Variants in SORCS1 observed in about 807,000 individuals in gnomAD.
SORCS1 encodes VPS10 domain-containing receptor SorCS1.
SORCS1 carries 60 observed loss-of-function variants against 146.1 expected under a neutral mutation model. That is an observed-to-expected ratio of 0.41 (90% CI 0.33 to 0.51). The LOEUF (loss-of-function observed/expected upper bound fraction) is 0.51, where lower values mean the gene tolerates loss of function less well. Ranked by LOEUF, SORCS1 falls within the 20% of genes least tolerant of loss-of-function variation. The pLI, the probability that SORCS1 is intolerant of heterozygous loss-of-function variation, is 0.21. For missense variants in SORCS1, 1,352 were observed against 1,487.6 expected, an observed-to-expected ratio of 0.91 and a Z score of 1.50; for synonymous variants, 637 against 584.0, an observed-to-expected ratio of 1.09 and a Z score of -1.31.
At chr10:106,955,383 C>T (rs1954888611) in intron 2 of SORCS1, among the ~76,000 whole-genome samples, 1 of 152,244 alleles carries the variant, frequency 6.6e-6, no homozygotes, top group African/African-American at 2.4e-5. Context: ...ATCACAGCAG[C>T]TGGCGCACCT....
chr10:106,924,283 T>G lies in SORCS1; in HGVS notation c.626+32230A>C, dbSNP rs113361799. The stretch of plus-strand genomic sequence containing the variant: ...AAAAAAAAAAAAACTACCTTTTAAT[T>G]AAAAACAATTTGCTTTAGTGAGAAA... On this transcript the variant is annotated intron_variant, in intron 2 of 25. Coordinates refer to ENST00000263054, the MANE Select transcript of SORCS1 (RefSeq NM_052918.5). 3.1e-3 allele frequency among the ~76,000 whole-genome samples: 473 copies of G among 151,448 alleles called. 5 individuals carry two copies. The highest frequency in any genetic ancestry group is 9.3e-3 in the African/African-American group (383 of 41,392).
intron 1 of SORCS1, among the ~76,000 whole-genome samples, chr10:107,161,594 C>T (rs190275131): frequency 3.9e-5 from 6 of 152,226 alleles, no homozygotes; most frequent in Admixed American, 3.9e-4. Flanking sequence ...ATGAAAAAAT[C>T]CACATTCAGC....
chr10:106,602,867 C>A (rs1170675482), intron 23 of SORCS1, among the ~76,000 whole-genome samples: 1 of 152,068 alleles, frequency 6.6e-6, no homozygotes, highest in African/African-American at 2.4e-5. Context: ...TTATTAATTC[C>A]ATTTCATAAT....
intron 18 of SORCS1, among the ~76,000 whole-genome samples, chr10:106,641,012 A>T (rs1421664425): frequency 6.6e-6 from 1 of 152,166 alleles, no homozygotes; most frequent in Non-Finnish European, 1.5e-5. Flanking sequence ...TTCTTCTTGC[A>T]TCTGCCACAG....
chr10:107,052,367 C>T (rs1342572723), intron 1 of SORCS1, among the ~76,000 whole-genome samples: 1 of 152,144 alleles, frequency 6.6e-6, no homozygotes, highest in Admixed American at 6.5e-5. Context: ...AGAGGTATCA[C>T]TCACTGCTTC....
intron 1 of SORCS1, 21 bp from the exon 2 acceptor site, chr10:106,956,601 C>G: frequency 6.2e-7 from 1 of 1,609,068 alleles, no homozygotes; most frequent in Non-Finnish European, 8.5e-7. Context: ...AAGAAGAAAT[C>G]ATGGTTAGTC....
chr10:107,177,612 G>C, the SORCS1 span, among the ~76,000 whole-genome samples: 1 of 152,040 alleles, frequency 6.6e-6, no homozygotes, highest in African/African-American at 2.4e-5. Context: ...ACTTTAAAAA[G>C]ATTTATTTAT....
At chr10:106,664,210 A>G (rs1850954693) in intron 17 of SORCS1, among the ~76,000 whole-genome samples, 1 of 152,240 alleles carries the variant, frequency 6.6e-6, no homozygotes, top group African/African-American at 2.4e-5. Flanking sequence ...CAACATTTAT[A>G]TACCTGGATG....
At chr10:106,872,651 A>G (rs912078669) in intron 2 of SORCS1, among the ~76,000 whole-genome samples, 12 of 152,204 alleles carry the variant, frequency 7.9e-5, no homozygotes, top group Non-Finnish European at 1.6e-4. Flanking sequence ...AGCATGTAAT[A>G]AGCTTTACCA....
chr10:106,942,788 C>T (rs12259150), intron 2 of SORCS1, among the ~76,000 whole-genome samples: 2,029 of 152,208 alleles, frequency 0.013, 60 homozygotes, highest in African/African-American at 0.045. Context: ...CCTTCTCTAC[C>T]ACTCAATTCT....
chr10:107,131,804 G>A (rs1422365363), intron 1 of SORCS1, among the ~76,000 whole-genome samples: 1 of 152,148 alleles, frequency 6.6e-6, no homozygotes, highest in Non-Finnish European at 1.5e-5. Context: ...AATCCTCTGT[G>A]ACAAAAATCC....
At chr10:106,786,094 C>A (rs1325591826) in intron 3 of SORCS1, among the ~76,000 whole-genome samples, 2 of 152,138 alleles carry the variant, frequency 1.3e-5, no homozygotes, top group Non-Finnish European at 2.9e-5. Context: ...AGGTTTAATT[C>A]TATCTCAATA....
chr10:106,588,399 T>G (rs561885460), intron 24 of SORCS1, among the ~76,000 whole-genome samples: 1 of 152,296 alleles, frequency 6.6e-6, no homozygotes, highest in South Asian at 2.1e-4. Flanking sequence ...ATGCTTCTGT[T>G]TTAGTGGATG....
chr10:107,106,402 A>C (rs1359864076), intron 1 of SORCS1, among the ~76,000 whole-genome samples: 1 of 152,232 alleles, frequency 6.6e-6, no homozygotes, highest in Admixed American at 6.5e-5. Context: ...TTATGAACAG[A>C]TGAGTATTAA....
intron 3 of SORCS1, among the ~76,000 whole-genome samples, chr10:106,778,335 A>G (rs1860620861): frequency 6.6e-6 from 1 of 152,074 alleles, no homozygotes; most frequent in Admixed American, 6.6e-5. Flanking sequence ...CTGAAGACTA[A>G]TTGCCTCTTG....
At chr10:106,826,145 C>T (rs1388471782) in intron 3 of SORCS1, among the ~76,000 whole-genome samples, 1 of 152,230 alleles carries the variant, frequency 6.6e-6, no homozygotes, top group Non-Finnish European at 1.5e-5. Context: ...CTGTTTCCAA[C>T]ATGATGATTG....
intron 3 of SORCS1, among the ~76,000 whole-genome samples, chr10:106,787,180 G>T (rs993445995): frequency 6.6e-6 from 1 of 152,042 alleles, no homozygotes; most frequent in African/African-American, 2.4e-5. Flanking sequence ...ATGAAATATG[G>T]GTTTCTTAAG....
chr10:107,156,627 C>T (rs954237890), intron 1 of SORCS1, among the ~76,000 whole-genome samples: 1 of 152,226 alleles, frequency 6.6e-6, no homozygotes, highest in Non-Finnish European at 1.5e-5. Flanking sequence ...CATCTGGTAA[C>T]TCAGTTATAA....
chr10:107,026,371 G>A (rs1958404847), intron 1 of SORCS1, among the ~76,000 whole-genome samples: 1 of 152,126 alleles, frequency 6.6e-6, no homozygotes, highest in South Asian at 2.1e-4. Flanking sequence ...TGTAACCCTA[G>A]TACTTTGGGA....
Sources: gnomAD v4.1 joint callset for allele counts (sites outside exome capture counted in the v4.1 genomes callset) on GRCh38, gnomAD v4.1.1 for gene constraint, MANE v1.5 for transcripts, NCBI Gene and HGNC (gene_info 2026-07-23, HGNC 2026-07-21) for gene names.